The following ALCAM variants were observed in gnomAD, a reference collection of about 807,000 sequenced individuals.
ALCAM encodes the protein CD166 antigen.
ALCAM carries 30 observed loss-of-function variants against 70.9 expected under a neutral mutation model. The observed-to-expected ratio is 0.42, with a 90% CI of 0.32 to 0.57. The LOEUF (loss-of-function observed/expected upper bound fraction) is 0.57. ALCAM is among the 20% of genes least tolerant of loss of function. The probability of loss-of-function intolerance (pLI) is 0.11; values close to 1 mark genes in which losing one functional copy is unlikely to be tolerated. For synonymous variants in ALCAM, 249 were observed against 242.5 expected (o/e 1.03, Z -0.25); for missense variants, 591 against 695.1 (o/e 0.85, Z 1.68).
chr3:105,393,101 C>T (rs971952003), intron 1 of ALCAM, among the ~76,000 whole-genome samples: 13 of 151,742 alleles, frequency 8.6e-5, no homozygotes, highest in African/African-American at 2.2e-4. Context: ...TTCTTTTCCC[C>T]GTTAGGCTTG....
chr3:105,377,616 A>G (rs920085448), intron 1 of ALCAM, among the ~76,000 whole-genome samples: 3 of 152,014 alleles, frequency 2.0e-5, no homozygotes, highest in Non-Finnish European at 4.4e-5. Flanking sequence ...ACAAGGCAAA[A>G]CCTATATTGG....
chr3:105,386,920 G>T (rs1935673684), intron 1 of ALCAM, among the ~76,000 whole-genome samples: 1 of 151,332 alleles, frequency 6.6e-6, no homozygotes, highest in Non-Finnish European at 1.5e-5. Flanking sequence ...CCCATCAAAG[G>T]TTACATGAGC....
intron 1 of ALCAM, among the ~76,000 whole-genome samples, chr3:105,394,203 A>G (rs1248018036): frequency 6.6e-6 from 1 of 151,990 alleles, no homozygotes; most frequent in Non-Finnish European, 1.5e-5. Flanking sequence ...ATACAAAATA[A>G]TTTAAAGTAA....
intron 14 of ALCAM, among the ~76,000 whole-genome samples, chr3:105,559,999 C>A (rs1316635696): frequency 1.3e-5 from 2 of 152,074 alleles, no homozygotes; most frequent in African/African-American, 4.8e-5. Context: ...TGGGCTACTG[C>A]AAATAGTATG....
chr3:105,484,439 T>A (rs1938365110), intron 1 of ALCAM, among the ~76,000 whole-genome samples: 1 of 152,016 alleles, frequency 6.6e-6, no homozygotes. Context: ...AATGTTTAAA[T>A]CTCAATAATT....
intron 1 of ALCAM, among the ~76,000 whole-genome samples, chr3:105,424,162 T>C (rs1325837930): frequency 6.6e-6 from 1 of 151,568 alleles, no homozygotes; most frequent in African/African-American, 2.4e-5. Context: ...CTTTGTAGGG[T>C]TTTTGTGGGT....
chr3:105,553,337 G>A lies in ALCAM; in HGVS notation c.1664+752G>A, dbSNP rs534888189. On this transcript the variant is annotated intron_variant, in intron 14 of 15. Transcript: ENST00000306107. Reference sequence around the variant, plus strand: ...CTAGATTCAGATACCATTGATAGGGGTGGGGTTCCAGCATCTGCACTTTTA... The same window carrying A: ...CTAGATTCAGATACCATTGATAGGGATGGGGTTCCAGCATCTGCACTTTTA... Among the ~76,000 whole-genome samples, 7 of 151,868 alleles carry A rather than the reference G, an allele frequency of 4.6e-5. No homozygotes were observed. In the South Asian group the frequency reaches 1.0e-3, roughly 23 times the overall value.
chr3:105,477,820 A>C (rs1395918394), intron 1 of ALCAM, among the ~76,000 whole-genome samples: 1 of 151,976 alleles, frequency 6.6e-6, no homozygotes, highest in African/African-American at 2.4e-5. Context: ...CTTGAAGTTT[A>C]CTGATTCTTC....
intron 14 of ALCAM, among the ~76,000 whole-genome samples, chr3:105,568,176 C>T (rs1454397671): frequency 1.3e-5 from 2 of 151,084 alleles, no homozygotes; most frequent in Non-Finnish European, 2.9e-5. Flanking sequence ...GATTCTCCTG[C>T]TTCAGCCTCC....
At chr3:105,535,343 TTTAG>T (rs1939944166) in intron 6 of ALCAM, among the ~76,000 whole-genome samples, 2 of 152,154 alleles carry the variant, frequency 1.3e-5, no homozygotes, top group African/African-American at 4.8e-5. Context: ...ACTTCATTAT[TTTAG>T]TTAGTAAAGT....
chr3:105,383,446 A>G (rs758853589), intron 1 of ALCAM, among the ~76,000 whole-genome samples: 1 of 151,838 alleles, frequency 6.6e-6, no homozygotes, highest in Non-Finnish European at 1.5e-5. Context: ...CAATTGAATA[A>G]AGGCATTAGT....
At position 105,505,254 on chromosome 3, in the gene ALCAM, C is replaced by G. The variant is rs551503988; in HGVS notation, c.74-14813C>G. On this transcript the variant is annotated intron_variant, in intron 1 of 15. Coordinates refer to ENST00000306107, the MANE Select transcript of ALCAM (RefSeq NM_001627.4). Reference sequence around the variant, plus strand: ...AAGAGGTTTAATTGACTCAGTTCCACCAGCTGTACAGGGAACACAGCTGAG... The same window carrying G: ...AAGAGGTTTAATTGACTCAGTTCCAGCAGCTGTACAGGGAACACAGCTGAG... Among the ~76,000 whole-genome samples the G allele has an allele frequency of 8.5e-5, 13 of 152,270 alleles. No individual in the cohort carries two copies. The South Asian group carries it at 2.5e-3, about 29-fold the overall frequency.
At chr3:105,430,108 AT>A (rs1311636243) in intron 1 of ALCAM, among the ~76,000 whole-genome samples, 1 of 152,038 alleles carries the variant, frequency 6.6e-6, no homozygotes, top group Non-Finnish European at 1.5e-5. Flanking sequence ...TTAAATAGAA[AT>A]TTAATTTTGG....
At chr3:105,420,043 C>A (rs797005904) in intron 1 of ALCAM, among the ~76,000 whole-genome samples, 2 of 151,538 alleles carry the variant, frequency 1.3e-5, no homozygotes, top group Admixed American at 6.6e-5. Flanking sequence ...AATAAAAAAA[C>A]CGTTTTGGAA....
At chr3:105,515,217 T>C (rs892469876) in intron 1 of ALCAM, among the ~76,000 whole-genome samples, 1 of 151,978 alleles carries the variant, frequency 6.6e-6, no homozygotes, top group Non-Finnish European at 1.5e-5. Context: ...TTGAAAAAAA[T>C]ACCTTTTTCA....
intron 1 of ALCAM, among the ~76,000 whole-genome samples, chr3:105,465,490 G>A (rs570905678): frequency 2.3e-4 from 35 of 151,300 alleles, no homozygotes; most frequent in Non-Finnish European, 4.4e-4. Flanking sequence ...TTGAAGGAAT[G>A]GCATTTACTA....
Position 105,367,063 on chromosome 3 carries a change from A to G in ALCAM, c.-346A>G. On this transcript the variant is annotated 5_prime_UTR_variant, in exon 1 of 16. In the 5' UTR this introduces an upstream ATG that the reference lacks. Coordinates refer to ENST00000306107, the MANE Select transcript of ALCAM (RefSeq NM_001627.4). ...CTGCCATTATTATTATCATTCCAAT[A>G]CAAGGAAAATAAAAGAAGATACCAG... 1 of 215,110 alleles carries G rather than the reference A, an allele frequency of 4.6e-6. No individual in the cohort carries two copies. Among genetic ancestry groups the G allele is most frequent in the South Asian group, 6.3e-5 (1 of 15,906 alleles). The allele number at this position is 215,110 out of a possible 1,614,324, so 13.3% of individuals were successfully genotyped here. A position where few individuals can be genotyped will look rare whatever the true frequency, so the allele number is the denominator to read the frequency against.
At chr3:105,465,698 A>C (rs2152600196) in intron 1 of ALCAM, among the ~76,000 whole-genome samples, 1 of 151,448 alleles carries the variant, frequency 6.6e-6, no homozygotes, top group African/African-American at 2.4e-5. Flanking sequence ...TTCTCCTCCT[A>C]CTGGTTTTTT....
intron 1 of ALCAM, among the ~76,000 whole-genome samples, chr3:105,413,127 GT>G: frequency 6.6e-6 from 1 of 152,176 alleles, no homozygotes; most frequent in South Asian, 2.1e-4. Context: ...CCTTGTACAG[GT>G]TAGTAACATC....
Sources: gnomAD v4.1 joint callset for allele counts (sites outside exome capture counted in the v4.1 genomes callset) on GRCh38, gnomAD v4.1.1 for gene constraint, MANE v1.5 for transcripts, NCBI Gene and HGNC (gene_info 2026-07-23, HGNC 2026-07-21) for gene names.